COMMD1: variants seen among roughly 807,000 people sequenced by gnomAD.
The protein encoded by COMMD1 is copper metabolism domain containing 1.
COMMD1 carries 10 observed loss-of-function variants against 17.2 expected under a neutral mutation model. The ratio of observed to expected loss-of-function variants is 0.58; its 90% CI spans 0.36 to 0.99. The LOEUF (loss-of-function observed/expected upper bound fraction) is 0.99, where lower values mean the gene tolerates loss of function less well. Among genes scored for constraint, COMMD1 ranks in the 50% least tolerant of loss-of-function variants. The pLI is 0.01. For missense variants in COMMD1, 270 were observed against 231.8 expected (o/e 1.17, Z -1.07); for synonymous variants, 97 against 91.6 (o/e 1.06, Z -0.34).
chr2:61,930,381 C>T (rs979533065), intron 1 of COMMD1, among the ~76,000 whole-genome samples: 5 of 152,026 alleles, frequency 3.3e-5, no homozygotes, highest in African/African-American at 1.2e-4. Flanking sequence ...CATGGTGAAA[C>T]CCCATCTCTA....
At chr2:62,041,910 A>G (rs1265207531) in intron 2 of COMMD1, among the ~76,000 whole-genome samples, 2 of 152,214 alleles carry the variant, frequency 1.3e-5, no homozygotes, top group Non-Finnish European at 2.9e-5. Flanking sequence ...GAGCAGCAGC[A>G]AGATTTATTG....
intron 1 of COMMD1, among the ~76,000 whole-genome samples, chr2:61,950,000 A>G (rs1671009759): frequency 6.6e-6 from 1 of 152,216 alleles, no homozygotes; most frequent in South Asian, 2.1e-4. Context: ...ACAGGACACT[A>G]TGGCTATCCC....
chr2:62,101,915 G>A (rs1672192056), intron 2 of COMMD1, among the ~76,000 whole-genome samples: 1 of 151,994 alleles, frequency 6.6e-6, no homozygotes, highest in Non-Finnish European at 1.5e-5. Flanking sequence ...ATTGGCCATT[G>A]GTGATTAACT....
At chr2:61,985,480 T>C (rs1453460537) in intron 1 of COMMD1, among the ~76,000 whole-genome samples, 1 of 152,224 alleles carries the variant, frequency 6.6e-6, no homozygotes, top group Non-Finnish European at 1.5e-5. Flanking sequence ...AATGTTATTA[T>C]TGATAAGTAA....
intron 2 of COMMD1, among the ~76,000 whole-genome samples, chr2:62,093,016 T>G (rs971522744): frequency 1.3e-5 from 2 of 152,102 alleles, no homozygotes; most frequent in Non-Finnish European, 2.9e-5. Context: ...ATAGGCCAGA[T>G]TTTGCAAATG....
chr2:61,944,781 T>C (rs1187758582), intron 1 of COMMD1, among the ~76,000 whole-genome samples: 1 of 152,116 alleles, frequency 6.6e-6, no homozygotes, highest in African/African-American at 2.4e-5. Flanking sequence ...CAGTGGCAAG[T>C]GGTGCCTTTG....
At chr2:61,985,886 C>T (rs937103285) in intron 1 of COMMD1, among the ~76,000 whole-genome samples, 1 of 151,946 alleles carries the variant, frequency 6.6e-6, no homozygotes, top group African/African-American at 2.4e-5. Context: ...AGTCTTTCTA[C>T]TCACAATATG....
At chr2:61,901,078 C>G (rs1669645834), upstream of COMMD1, among the ~76,000 whole-genome samples, 1 of 151,934 alleles carries the variant, frequency 6.6e-6, no homozygotes, top group Non-Finnish European at 1.5e-5. Context: ...TCCTGAGTAG[C>G]TGGGATTACA....
intron 2 of COMMD1, among the ~76,000 whole-genome samples, chr2:62,124,837 G>T (rs1261092465): frequency 1.3e-5 from 2 of 152,070 alleles, no homozygotes; most frequent in African/African-American, 4.8e-5. Context: ...TTAAACCTGT[G>T]TGTGTCCCTT....
intron 1 of COMMD1, among the ~76,000 whole-genome samples, chr2:61,923,310 T>A (rs1649875554): frequency 6.6e-6 from 1 of 152,154 alleles, no homozygotes; most frequent in African/African-American, 2.4e-5. Flanking sequence ...AGGTGATAAA[T>A]AGTGCTTAAT....
chr2:62,128,687 T>C (rs1232535761), intron 2 of COMMD1, among the ~76,000 whole-genome samples: 1 of 152,128 alleles, frequency 6.6e-6, no homozygotes, highest in Non-Finnish European at 1.5e-5. Flanking sequence ...GCACGGTGGC[T>C]CACGCCCGTA....
At chr2:62,065,091 G>A (rs1670991407) in intron 2 of COMMD1, among the ~76,000 whole-genome samples, 1 of 152,078 alleles carries the variant, frequency 6.6e-6, no homozygotes, top group African/African-American at 2.4e-5. Flanking sequence ...GCAGGAGAAT[G>A]GCTTGAGCCC....
At chr2:61,985,041 CTTTT>C (rs61613631) in intron 1 of COMMD1, among the ~76,000 whole-genome samples, 2 of 134,188 alleles carry the variant, frequency 1.5e-5, no homozygotes, top group African/African-American at 5.5e-5. Context: ...CTATGTGTGT[CTTTT>C]TTTTTTTTTT....
chr2:62,101,912 A>G (rs1261916402), intron 2 of COMMD1, among the ~76,000 whole-genome samples: 1 of 152,124 alleles, frequency 6.6e-6, no homozygotes. Flanking sequence ...ATCATTGGCC[A>G]TTGGTGATTA....
intron 2 of COMMD1, chr2:62,100,390 GGC>G (rs1466424980): frequency 6.6e-6 from 1 of 152,206 alleles, no homozygotes; most frequent in Non-Finnish European, 1.5e-5. Flanking sequence ...GAGTGACCGT[GGC>G]CCGTGGCACA....
intron 2 of COMMD1, among the ~76,000 whole-genome samples, chr2:62,116,996 C>CAA (rs11350513): frequency 1.2e-4 from 12 of 100,892 alleles, no homozygotes; most frequent in East Asian, 3.3e-4. Flanking sequence ...AACTTCGTCT[C>CAA]AAAAAAAAAA....
chr2:61,905,793 C>A lies in COMMD1; in HGVS notation c.115C>A (p.Leu39Ile). 6.2e-7 allele frequency: 1 copy of A among 1,614,214 alleles called. No individual in the cohort carries two copies. The highest frequency in any genetic ancestry group is 8.5e-7 in the Non-Finnish European group (1 of 1,180,044). The part of the protein sequence containing the change: ...GITEELLRSQ[L>I]YPEVPPEEFR... Reference sequence around the variant, plus strand: ...CACAGAGGAGCTGCTACGGAGCCAGCTATATCCAGAGGTGCCACCCGAGGA... The same window carrying A: ...CACAGAGGAGCTGCTACGGAGCCAGATATATCCAGAGGTGCCACCCGAGGA... Residue 39 changes from leucine to isoleucine, a missense_variant, in exon 1 of 3, where the codon CTA (leucine) becomes ATA (isoleucine). Coordinates refer to ENST00000311832, the MANE Select transcript of COMMD1 (RefSeq NM_152516.4).
intron 2 of COMMD1, among the ~76,000 whole-genome samples, chr2:62,083,832 C>G (rs1435341604): frequency 6.6e-6 from 1 of 152,144 alleles, no homozygotes; most frequent in African/African-American, 2.4e-5. Context: ...AAAGGTGTGA[C>G]CAAAACAAAG....
intron 1 of COMMD1, among the ~76,000 whole-genome samples, chr2:61,938,524 C>T (rs1670658537): frequency 6.6e-6 from 1 of 152,228 alleles, no homozygotes; most frequent in African/African-American, 2.4e-5. Flanking sequence ...TTCCCTTTAA[C>T]CTTCACGTGC....
Sources: gnomAD v4.1 joint callset for allele counts (sites outside exome capture counted in the v4.1 genomes callset) on GRCh38, gnomAD v4.1.1 for gene constraint, MANE v1.5 for transcripts, NCBI Gene and HGNC (gene_info 2026-07-23, HGNC 2026-07-21) for gene names.